The following ACACA variants were observed in gnomAD, a reference collection of about 807,000 sequenced individuals.
ACACA encodes the protein acetyl-CoA carboxylase 1.
ACACA carries 103 observed loss-of-function variants against 296.1 expected under a neutral mutation model. The observed-to-expected ratio is 0.35, with a 90% CI of 0.30 to 0.41. The LOEUF is 0.41. Among genes scored for constraint, ACACA ranks in the 10% least tolerant of loss-of-function variants. ACACA has a pLI of 1.00. For synonymous variants in ACACA, 953 were observed against 1,038.6 expected (o/e 0.92, Z 1.58); for missense variants, 1,554 against 2,989.7 (o/e 0.52, Z 11.20).
chr17:37,389,179 AGG>A, intron 1 of ACACA: 1 of 1,518,010 alleles, frequency 6.6e-7, no homozygotes, highest in South Asian at 1.2e-5. Context: ...GCCCAACAAG[AGG>A]TTTGGAAGAA....
chr17:37,290,367 T>C (rs1352828806), intron 3 of ACACA, among the ~76,000 whole-genome samples: 1 of 152,170 alleles, frequency 6.6e-6, no homozygotes, highest in Non-Finnish European at 1.5e-5. Context: ...CATTTTTGAA[T>C]GGTGATTATT....
intron 11 of ACACA, among the ~76,000 whole-genome samples, chr17:37,260,288 A>T (rs1180332658): frequency 0.024 from 577 of 24,038 alleles, 31 homozygotes; most frequent in East Asian, 0.1. Context: ...ATATATATAT[A>T]TATATATATT....
At chr17:37,251,332 T>C (rs755168363) in intron 16 of ACACA, among the ~76,000 whole-genome samples, 5 of 152,212 alleles carry the variant, frequency 3.3e-5, no homozygotes, top group African/African-American at 7.2e-5. Flanking sequence ...ATACTTATCA[T>C]AGGACTTGAA....
intron 1 of ACACA, among the ~76,000 whole-genome samples, chr17:37,346,811 T>C: frequency 6.6e-6 from 1 of 152,170 alleles, no homozygotes; most frequent in African/African-American, 2.4e-5. Flanking sequence ...AATGGCTACA[T>C]TTACCCAATG....
At chr17:37,226,603 T>C (rs2079555132) in intron 25 of ACACA, 151 bp from the exon 26 acceptor site, 12 of 763,350 alleles carry the variant, frequency 1.6e-5, no homozygotes, top group Non-Finnish European at 2.4e-5. Flanking sequence ...CCCTAAACAA[T>C]GTGGTAAAGA....
At chr17:37,302,554 T>C (rs1241828338) in intron 3 of ACACA, among the ~76,000 whole-genome samples, 1 of 149,718 alleles carries the variant, frequency 6.7e-6, no homozygotes, top group South Asian at 2.1e-4. Flanking sequence ...CCTCAGCCTC[T>C]GGGTTTGGGA....
intron 25 of ACACA, among the ~76,000 whole-genome samples, chr17:37,234,492 A>G (rs2590727): frequency 0.36 from 55,415 of 152,086 alleles, 13,538 homozygotes; most frequent in African/African-American, 0.69. Context: ...GATTTTCAAT[A>G]TAAATAAAAA....
At chr17:37,162,650 TG>T in intron 41 of ACACA, 1 of 286,896 alleles carries the variant, frequency 3.5e-6, no homozygotes, top group Non-Finnish European at 6.6e-6. Flanking sequence ...GAGTACAAGG[TG>T]GTGGGTTGCT....
intron 9 of ACACA, 53 bp from the exon 10 acceptor site, chr17:37,270,914 G>A (rs1433371649): frequency 3.6e-6 from 5 of 1,374,514 alleles, no homozygotes; most frequent in Non-Finnish European, 5.2e-6. Flanking sequence ...TACCAGGGAA[G>A]GAGAAAACTG....
intron 1 of ACACA, among the ~76,000 whole-genome samples, chr17:37,352,752 CT>C (rs2048965964): frequency 6.6e-6 from 1 of 152,008 alleles, no homozygotes; most frequent in African/African-American, 2.4e-5. Context: ...AAAGAAATTT[CT>C]TCCTTAAGGA....
chr17:37,397,349 A>G (rs981147388), intron 1 of ACACA, among the ~76,000 whole-genome samples: 7 of 152,124 alleles, frequency 4.6e-5, no homozygotes, highest in Admixed American at 2.0e-4. Context: ...GTTAATTTGT[A>G]TATCTCTATA....
chr17:37,278,122 A>C, intron 5 of ACACA, 117 bp from the exon 6 acceptor site: 1 of 767,754 alleles, frequency 1.3e-6, no homozygotes, highest in Non-Finnish European at 2.3e-6. Context: ...GACAAACAGC[A>C]TTAGTAGGAT....
At chr17:37,105,528 A>C (rs2073626378) in intron 52 of ACACA, among the ~76,000 whole-genome samples, 1 of 152,074 alleles carries the variant, frequency 6.6e-6, no homozygotes, top group Non-Finnish European at 1.5e-5. Context: ...ATGTAAATTT[A>C]AATCCAATTT....
intron 1 of ACACA, chr17:37,365,405 A>C: frequency 2.1e-6 from 2 of 962,384 alleles, no homozygotes; most frequent in Non-Finnish European, 2.5e-6. Context: ...TTCTATTAGT[A>C]AGCGCTTCAT....
intron 45 of ACACA, among the ~76,000 whole-genome samples, chr17:37,139,917 C>G (rs970807871): frequency 1.3e-5 from 2 of 152,212 alleles, no homozygotes; most frequent in African/African-American, 4.8e-5. Context: ...GATTTTGGTT[C>G]CATTCAATTT....
intron 39 of ACACA, among the ~76,000 whole-genome samples, chr17:37,184,196 T>C (rs971912277): frequency 6.6e-6 from 1 of 152,118 alleles, no homozygotes; most frequent in African/African-American, 2.4e-5. Context: ...TTAGGAAATA[T>C]ACATGTAACT....
Position 37,271,575 on chromosome 17 carries a change from C to T in ACACA, c.1009-714G>A, listed in dbSNP as rs528797325. On this transcript the variant is annotated intron_variant, in intron 9 of 55. Coordinates refer to ENST00000616317, the MANE Select transcript of ACACA (RefSeq NM_198834.3). ...GTGGATATAAAACTTTCCTTTTTCACTGTATGTATTTCTGCATTATTGGAA... is the reference window on the plus strand; with the variant it reads ...GTGGATATAAAACTTTCCTTTTTCATTGTATGTATTTCTGCATTATTGGAA... Among the ~76,000 whole-genome samples, 5 of 152,014 alleles carry T rather than the reference C, an allele frequency of 3.3e-5. No individual in the cohort carries two copies. The East Asian group carries it at 9.7e-4, about 29-fold the overall frequency.
At chr17:37,356,229 T>C (rs1411281678) in intron 1 of ACACA, among the ~76,000 whole-genome samples, 1 of 152,198 alleles carries the variant, frequency 6.6e-6, no homozygotes, top group Non-Finnish European at 1.5e-5. Flanking sequence ...AATCTGTTAA[T>C]AATCTGTTAA....
At chr17:37,272,315 C>G (rs2082105248) in intron 9 of ACACA, among the ~76,000 whole-genome samples, 2 of 152,068 alleles carry the variant, frequency 1.3e-5, no homozygotes, top group African/African-American at 2.4e-5. Context: ...TGTACTCCAG[C>G]CTGGGCAACA....
Sources: gnomAD v4.1 joint callset for allele counts (sites outside exome capture counted in the v4.1 genomes callset) on GRCh38, gnomAD v4.1.1 for gene constraint, MANE v1.5 for transcripts, NCBI Gene and HGNC (gene_info 2026-07-23, HGNC 2026-07-21) for gene names.